ZNF746: variants seen among roughly 807,000 people sequenced by gnomAD.
ZNF746 encodes parkin-interacting substrate.
In ZNF746, 13 loss-of-function variants were observed where a neutral mutation model predicts 41.0. The ratio of observed to expected loss-of-function variants is 0.32; its 90% CI spans 0.21 to 0.50. The LOEUF is 0.50. Among genes scored for constraint, ZNF746 ranks in the 20% least tolerant of loss-of-function variants. The pLI is 0.98. For missense variants in ZNF746, 811 were observed against 922.9 expected (o/e 0.88, Z 1.57); for synonymous variants, 424 against 396.2 (o/e 1.07, Z -0.83).
In ZNF746 at chr7:149,475,307, T is replaced by C. The variant is rs754393829; in HGVS notation, c.1060A>G (p.Ser354Gly). 2 of 1,613,876 alleles carry C rather than the reference T, an allele frequency of 1.2e-6. No individual in the cohort carries two copies. The highest frequency in any genetic ancestry group is 2.2e-5 in the South Asian group (2 of 91,078). The change falls in exon 7 of 7, where the codon AGC becomes GGC. Residue 354 changes from serine (S) to glycine (G), a missense_variant. Transcript: ENST00000458143. ...AWESQGSSFP[S>G]QDPVLGLREP... Reference sequence around the variant, plus strand: ...CGCAGCCCCAGCACAGGGTCCTGGCTGGGGAAGGAGCTGCCCTGGCTTTCC... The same window carrying C: ...CGCAGCCCCAGCACAGGGTCCTGGCCGGGGAAGGAGCTGCCCTGGCTTTCC...
At position 149,475,352 on chromosome 7, in the gene ZNF746, G is replaced by T; in HGVS notation, c.1015C>A (p.Pro339Thr). The change falls in exon 7 of 7, where the codon CCT becomes ACT. Residue 339 changes from proline (P) to threonine (T), a missense_variant. By Grantham distance (38) the Pro-to-Thr change is conservative (BLOSUM62 -1). Coordinates refer to ENST00000458143, the MANE Select transcript of ZNF746 (RefSeq NM_001394198.1). ...PGQATRFFPS[P>T]AQEGAWESQG... ...CTTTCCCAGGCTCCTTCCTGGGCAG[G>T]ACTAGGGAAGAACCGTGTGGCTTGG... 1 of 1,614,118 alleles carries T rather than the reference G, an allele frequency of 6.2e-7. No homozygotes were observed. Among genetic ancestry groups the T allele is most frequent in the Non-Finnish European group, 8.5e-7 (1 of 1,179,998 alleles).
Position 149,473,773 on chromosome 7 carries a change from C to G in ZNF746, c.*611G>C, listed in dbSNP as rs1336121375. 1.3e-5 allele frequency: 2 copies of G among 156,662 alleles called. No homozygotes were observed. Among genetic ancestry groups the G allele is most frequent in the African/African-American group, 4.8e-5 (2 of 41,482 alleles). 9.7% of individuals were successfully genotyped at this position (156,662 alleles called of 1,614,324 possible). A position where few individuals can be genotyped will look rare whatever the true frequency, so the allele number is the denominator to read the frequency against. On this transcript the variant is annotated 3_prime_UTR_variant, in exon 7 of 7. Transcript: ENST00000458143. ...AAATAGAGAAAAGTTGGGGCCAGCA[C>G]TTTTGGGGGGCCTTTTCAGGAGAGG...
At position 149,475,291 on chromosome 7, in the gene ZNF746, A is replaced by G; in HGVS notation, c.1076T>C (p.Leu359Pro). ...AGGCCGGGCGGGCTCTCGCAGCCCC[A>G]GCACAGGGTCCTGGCTGGGGAAGGA... Reference protein sequence around the residue: ...GSSFPSQDPVLGLREPARPER... With the variant: ...GSSFPSQDPVPGLREPARPER... Residue 359 changes from leucine to proline, a missense_variant, in exon 7 of 7, where the codon CTG (leucine) becomes CCG (proline). This residue lies in a region of ZNF746 where 495 missense variants were observed against 481.6 expected (regional missense o/e 1.03). Transcript: ENST00000458143. 1 of 1,613,558 alleles carries G rather than the reference A, an allele frequency of 6.2e-7. No homozygotes were observed. The highest frequency in any genetic ancestry group is 1.1e-5 in the South Asian group (1 of 91,050).
intron 4 of ZNF746, chr7:149,491,977 T>C: frequency 1.4e-6 from 1 of 702,982 alleles, no homozygotes; most frequent in Non-Finnish European, 2.6e-6. Flanking sequence ...TCACCTTAAA[T>C]AAATGTGTGC....
chr7:149,477,830 G>A (rs1264430107), intron 4 of ZNF746, 75 bp from the exon 5 acceptor site: 5 of 1,303,522 alleles, frequency 3.8e-6, no homozygotes, highest in Non-Finnish European at 5.2e-6. Context: ...TCCAGCCGGA[G>A]AGATAGACAC....
At chr7:149,477,823 A>T in intron 4 of ZNF746, 68 bp from the exon 5 acceptor site, 2 of 1,347,242 alleles carry the variant, frequency 1.5e-6, no homozygotes, top group Non-Finnish European at 1.0e-6. Flanking sequence ...ACACGCATCC[A>T]GCCGGAGAGA....
rs750407943 is a variant in ZNF746 at position 149,475,424 on chromosome 7, C to T, written c.943G>A (p.Val315Ile). 7 of 1,613,820 alleles carry T rather than the reference C, an allele frequency of 4.3e-6. No individual in the cohort carries two copies. The highest frequency in any genetic ancestry group is 1.7e-4 in the Middle Eastern group (1 of 6,056). Residue 315 changes from valine to isoleucine, a missense_variant, in exon 7 of 7, where the codon GTA (valine) becomes ATA (isoleucine). Transcript: ENST00000458143. ...VQEEEVVATP[V>I]HPTDLEAHGT... The stretch of plus-strand genomic sequence containing the variant: ...TGAGCCTCTAGGTCAGTAGGATGTA[C>T]GGGTGTGGCCACCACCTCCTCTTCC...
intron 4 of ZNF746, among the ~76,000 whole-genome samples, chr7:149,483,602 T>G (rs773793753): frequency 1.3e-5 from 2 of 150,836 alleles, no homozygotes; most frequent in Non-Finnish European, 2.9e-5. Context: ...CGAGACTCCG[T>G]GTAAAAAAAT....
intron 4 of ZNF746, among the ~76,000 whole-genome samples, chr7:149,479,026 C>T (rs870970): frequency 6.6e-6 from 1 of 151,964 alleles, no homozygotes; most frequent in Non-Finnish European, 1.5e-5. Flanking sequence ...GTTAAGAGAC[C>T]TGGAGGACAG....
intron 4 of ZNF746, chr7:149,490,850 G>C (rs1800779533): frequency 6.5e-6 from 1 of 152,896 alleles, no homozygotes; most frequent in Non-Finnish European, 1.5e-5. Context: ...CCAAAGGCAA[G>C]GTCTCTAGAG....
rs142023510 is a variant in ZNF746 at position 149,494,772 on chromosome 7, C to T, written c.25-269G>A. Among the ~76,000 whole-genome samples, 34 of 152,084 alleles carry T rather than the reference C, an allele frequency of 2.2e-4. No homozygotes were observed. Among genetic ancestry groups the T allele is most frequent in the African/African-American group, 8.0e-4 (33 of 41,506 alleles). Reference sequence around the variant, plus strand: ...TATCACCCTACACAATAATTTCCTACCCACACCTACACTGTGGGCTCCCTG... The same window carrying T: ...TATCACCCTACACAATAATTTCCTATCCACACCTACACTGTGGGCTCCCTG... On this transcript the variant is annotated intron_variant, in intron 1 of 6. Coordinates refer to ENST00000458143, the MANE Select transcript of ZNF746 (RefSeq NM_001394198.1). This position sits in a 1 kb window ranked among gnomAD's most constrained non-coding sequence, Gnocchi z 5.6.
Position 149,497,442 on chromosome 7 carries a change from C to G in ZNF746, c.24+71G>C, listed in dbSNP as rs1801046186. The G allele has an allele frequency of 9.5e-7, 1 of 1,054,668 alleles. No homozygotes were observed. The highest frequency in any genetic ancestry group is 5.5e-5 in the Admixed American group (1 of 18,272). The allele number at this position is 1,054,668 out of a possible 1,614,324, so 65.3% of individuals were successfully genotyped here. ...CGGAACCCCTCCCCAGGGCCTGCGG[C>G]GCCGTGTGCCGGGGCCGGGCCGCCT... On this transcript the variant is annotated intron_variant, in intron 1 of 6. Coordinates refer to ENST00000458143, the MANE Select transcript of ZNF746 (RefSeq NM_001394198.1). This position sits in a 1 kb window ranked among gnomAD's most constrained non-coding sequence, Gnocchi z 4.2.
At chr7:149,478,515 T>C (rs1203670070) in intron 4 of ZNF746, among the ~76,000 whole-genome samples, 3 of 152,016 alleles carry the variant, frequency 2.0e-5, no homozygotes, top group Admixed American at 6.5e-5. Context: ...CACAGAAAAA[T>C]TGGCTGAGAG....
Position 149,477,785 on chromosome 7 carries a change from G to C in ZNF746, c.566-30C>G, listed in dbSNP as rs765759067. ...GAAAGGGAGTGAGTGTGAGGATACAGCATCACGGCCCCTCAGCCCTGGGGC... is the reference window on the plus strand; with the variant it reads ...GAAAGGGAGTGAGTGTGAGGATACACCATCACGGCCCCTCAGCCCTGGGGC... On this transcript the variant is annotated intron_variant, in intron 4 of 6. Transcript: ENST00000458143. 3 of 1,557,382 alleles carry C rather than the reference G, an allele frequency of 1.9e-6. No homozygotes were observed. The South Asian group carries it at 3.5e-5, about 18-fold the overall frequency.
At chr7:149,478,571 C>T (rs1800389077) in intron 4 of ZNF746, among the ~76,000 whole-genome samples, 1 of 152,184 alleles carries the variant, frequency 6.6e-6, no homozygotes, top group South Asian at 2.1e-4. Flanking sequence ...GCAGATCTGC[C>T]TCAGAGGGGC....
At chr7:149,485,917 T>C (rs1452392023) in intron 4 of ZNF746, among the ~76,000 whole-genome samples, 1 of 152,140 alleles carries the variant, frequency 6.6e-6, no homozygotes, top group Non-Finnish European at 1.5e-5. Flanking sequence ...TGCACACCTG[T>C]AGTCCCAGCT....
Position 149,474,503 on chromosome 7 carries a change from C to CA in ZNF746, c.1863_1864insT (p.Ala622CysfsTer4), listed in dbSNP as rs1563246881. On this transcript the variant is annotated frameshift_variant, in exon 7 of 7. Transcript: ENST00000458143. LOFTEE classifies it high-confidence loss of function. This position sits in a 1 kb window ranked among gnomAD's most constrained non-coding sequence, Gnocchi z 6.3. ...GGGCTCTTGAAGGGATCAGGAGGTG[C>CA]GGGCGGCGTCGGGAGTGGCTGGCCT... 1 of 1,608,470 alleles carries CA rather than the reference C, an allele frequency of 6.2e-7. No homozygotes were observed. The highest frequency in any genetic ancestry group is 1.3e-5 in the African/African-American group (1 of 74,838).
intron 3 of ZNF746, among the ~76,000 whole-genome samples, chr7:149,493,322 A>G (rs1800875187): frequency 6.6e-6 from 1 of 152,216 alleles, no homozygotes; most frequent in African/African-American, 2.4e-5. Flanking sequence ...CGTGCACGTT[A>G]AACAGCAGTG....
intron 3 of ZNF746, 137 bp from the exon 4 acceptor site, chr7:149,493,109 T>G: frequency 4.6e-6 from 3 of 645,532 alleles, no homozygotes; most frequent in African/African-American, 1.8e-5. Context: ...CAGGCAATTT[T>G]GCTCCCTGGG....
Sources: allele counts gnomAD v4.1 joint callset (sites outside exome capture counted in the v4.1 genomes callset), GRCh38; gene constraint gnomAD v4.1.1; regional missense constraint gnomAD v4.1.1; non-coding constraint Gnocchi (gnomAD v3.1); transcripts MANE v1.5; gene names NCBI Gene and HGNC (gene_info 2026-07-23, HGNC 2026-07-21).